Variants in SDHA observed in about 807,000 individuals in gnomAD.
The protein encoded by SDHA is succinate dehydrogenase complex flavoprotein subunit A.
SDHA carries 48 observed loss-of-function variants against 78.4 expected under a neutral mutation model. The observed-to-expected ratio is 0.61, with a 90% CI of 0.49 to 0.78. The LOEUF (loss-of-function observed/expected upper bound fraction) is 0.78, where lower values mean the gene tolerates loss of function less well. Among genes scored for constraint, SDHA ranks in the 30% least tolerant of loss-of-function variants. The pLI is 0.00. For missense variants in SDHA, 680 were observed against 892.7 expected, an observed-to-expected ratio of 0.76 and a Z score of 3.04; for synonymous variants, 326 against 353.9, an observed-to-expected ratio of 0.92 and a Z score of 0.88.
At chr5:234,841 A>G in intron 8 of SDHA, 1 of 440,094 alleles carries the variant, frequency 2.3e-6, no homozygotes, top group Non-Finnish European at 4.2e-6. Context: ...TGTATTTGGC[A>G]TAGAGGCCTT....
At chr5:228,464 A>G in intron 6 of SDHA, 131 bp downstream of exon 6, 1 of 1,026,522 alleles carries the variant, frequency 9.7e-7, no homozygotes, top group Non-Finnish European at 1.4e-6. Context: ...TAACCATGTG[A>G]GGGTGATGGC....
chr5:234,044 G>C, intron 8 of SDHA: 1 of 266,130 alleles, frequency 3.8e-6, no homozygotes, highest in Non-Finnish European at 7.3e-6. Context: ...TTCATTGCCT[G>C]ACCCTGTTCT....
intron 10 of SDHA, among the ~76,000 whole-genome samples, chr5:236,882 A>G (rs1455220838): frequency 6.7e-6 from 1 of 150,066 alleles, no homozygotes; most frequent in Admixed American, 6.6e-5. Flanking sequence ...GAACTCCTAG[A>G]CTCAAACAGT....
At chr5:255,123 C>T (rs1367134592) in intron 14 of SDHA, among the ~76,000 whole-genome samples, 1 of 98,330 alleles carries the variant, frequency 1.0e-5, no homozygotes, top group Non-Finnish European at 2.3e-5. Context: ...TGGGAACAGC[C>T]AGCCGAGGGT....
intron 1 of SDHA, among the ~76,000 whole-genome samples, chr5:222,038 T>A (rs2084499077): frequency 1.3e-5 from 2 of 149,110 alleles, no homozygotes; most frequent in Non-Finnish European, 2.9e-5. Flanking sequence ...ATAGGGCACT[T>A]TACAACATTT....
intron 11 of SDHA, 80 bp downstream of exon 11, chr5:240,556 G>C: frequency 1.1e-6 from 1 of 882,502 alleles, no homozygotes; most frequent in Non-Finnish European, 1.9e-6. Context: ...TTAAAAACTA[G>C]ATCTAGGGGG....
chr5:222,570 C>T (rs1034033607), intron 1 of SDHA, among the ~76,000 whole-genome samples: 5 of 152,084 alleles, frequency 3.3e-5, no homozygotes, highest in African/African-American at 1.2e-4. Flanking sequence ...GAACTCCTGA[C>T]TTCAGGTGAT....
chr5:226,508 T>G (rs1735036465), intron 5 of SDHA, among the ~76,000 whole-genome samples: 1 of 152,134 alleles, frequency 6.6e-6, no homozygotes, highest in Admixed American at 6.6e-5. Flanking sequence ...GGTACATGCT[T>G]GTAATCCCAG....
intron 11 of SDHA, chr5:249,692 A>G (rs1248441171): frequency 2.0e-5 from 3 of 152,302 alleles, no homozygotes; most frequent in Non-Finnish European, 4.4e-5. Context: ...TGAAGGCTGT[A>G]AGACCCCTGA....
At chr5:227,984 A>G in intron 5 of SDHA, 1 of 586,436 alleles carries the variant, frequency 1.7e-6, no homozygotes, top group Non-Finnish European at 3.1e-6. Context: ...TGCGTTCTCT[A>G]GCACACCTGC....
intron 4 of SDHA, 143 bp from the exon 5 acceptor site, chr5:225,740 T>C (rs1734979017): frequency 7.4e-7 from 1 of 1,358,292 alleles, no homozygotes; most frequent in South Asian, 1.2e-5. Context: ...AGAAAACTTC[T>C]CTTTGATGAA....
the SDHA span, among the ~76,000 whole-genome samples, chr5:266,873 C>CTCT: frequency 1.1e-5 from 1 of 94,420 alleles, no homozygotes; most frequent in African/African-American, 9.6e-5. Flanking sequence ...ACACGGTGGC[C>CTCT]GCTGTGTCTA....
At chr5:262,621 T>C in the SDHA span, among the ~76,000 whole-genome samples, 1 of 152,346 alleles carries the variant, frequency 6.6e-6, no homozygotes, top group East Asian at 1.9e-4. Context: ...GGAAAAAGTG[T>C]CTTCCATGAA....
intron 11 of SDHA, among the ~76,000 whole-genome samples, chr5:244,978 C>T (rs184625921): frequency 7.4e-4 from 113 of 152,218 alleles, no homozygotes; most frequent in Non-Finnish European, 2.2e-4. Context: ...AAAGTTCCTG[C>T]CAAGGTTTAG....
chr5:224,265 T>G lies in SDHA; in HGVS notation c.151-95T>G, dbSNP rs1017527672. 3.7e-6 allele frequency: 5 copies of G among 1,344,200 alleles called. No individual in the cohort carries two copies. In the African/African-American group the frequency reaches 7.4e-5, roughly 20 times the overall value. 83.3% of individuals were successfully genotyped at this position (1,344,200 alleles called of 1,614,324 possible). On this transcript the variant is annotated intron_variant, in intron 2 of 14. Coordinates refer to ENST00000264932, the MANE Select transcript of SDHA (RefSeq NM_004168.4). ...GAGGCCCTGTGTGCCCAGCAGTTGC[T>G]CCTTTTATCTTTGTCAAGCTCTTTC... is the stretch of plus-strand genomic sequence containing the variant.
At chr5:231,041 T>A in intron 7 of SDHA, 41 bp downstream of exon 7, 4 of 1,612,096 alleles carry the variant, frequency 2.5e-6, no homozygotes, top group Non-Finnish European at 2.5e-6. Context: ...TTGGCTTGTG[T>A]GTGTCTTGTA....
At chr5:233,810 G>C in intron 8 of SDHA, 165 bp downstream of exon 8, 1 of 667,352 alleles carries the variant, frequency 1.5e-6, no homozygotes, top group Non-Finnish European at 2.6e-6. Flanking sequence ...TTTTCCTAAA[G>C]ACCTACATTT....
In SDHA at chr5:254,503, G is replaced by A. The variant is rs1327040639; in HGVS notation, c.1905G>A (p.Gly635=). The A allele has an allele frequency of 6.4e-7, 1 of 1,560,010 alleles. No homozygotes were observed. Among genetic ancestry groups the A allele is most frequent in the Non-Finnish European group, 8.7e-7 (1 of 1,152,330 alleles). Reference sequence around the variant, plus strand: ...TGTCCTATGTGGACGTTGGCACTGGGAAGGTCAGTGTGGAGCTCGTTCTCA... The same window carrying A: ...TGTCCTATGTGGACGTTGGCACTGGAAAGGTCAGTGTGGAGCTCGTTCTCA... ...HTLSYVDVGT[G]KVTLEYRPVI... The change falls in exon 14 of 15, where the codon GGG becomes GGA. Residue 635 remains glycine, a synonymous_variant. Coordinates refer to ENST00000264932, the MANE Select transcript of SDHA (RefSeq NM_004168.4).
chr5:235,281 C>G lies in SDHA; in HGVS notation c.1202C>G (p.Pro401Arg). 6.2e-7 allele frequency: 1 copy of G among 1,614,150 alleles called. No homozygotes were observed. Among genetic ancestry groups the G allele is most frequent in the Non-Finnish European group, 8.5e-7 (1 of 1,179,996 alleles). ...GTGGACGTCACGAAGGAGCCGATCC[C>G]TGTCCTCCCCACCGTGCATTATAAC... ...AGVDVTKEPIPVLPTVHYNMG... is the reference protein window; with the variant it reads ...AGVDVTKEPIRVLPTVHYNMG... Residue 401 changes from proline to arginine, a missense_variant, in exon 9 of 15, where the codon CCT (proline) becomes CGT (arginine). Physicochemically the swap from Pro to Arg is moderately radical, Grantham distance 103 (BLOSUM62 -2). Transcript: ENST00000264932.
Sources: allele counts gnomAD v4.1 joint callset (sites outside exome capture counted in the v4.1 genomes callset), GRCh38; gene constraint gnomAD v4.1.1; transcripts MANE v1.5; gene names NCBI Gene and HGNC (gene_info 2026-07-23, HGNC 2026-07-21).